Variants in NRG3 observed in about 807,000 individuals in gnomAD.
NRG3 encodes pro-neuregulin-3, membrane-bound isoform.
NRG3 carries 31 observed loss-of-function variants against 66.9 expected under a neutral mutation model. The observed-to-expected ratio is 0.46, with a 90% confidence interval of 0.35 to 0.63. NRG3 has a LOEUF of 0.63. Ranked by LOEUF, NRG3 falls within the 20% of genes least tolerant of loss-of-function variation. The pLI is 0.00. For missense variants in NRG3, 910 were observed against 878.9 expected, an observed-to-expected ratio of 1.04 and a Z score of -0.45; for synonymous variants, 393 against 359.4, an observed-to-expected ratio of 1.09 and a Z score of -1.06.
At chr10:82,060,335 C>A (rs2064075598) in intron 1 of NRG3, among the ~76,000 whole-genome samples, 1 of 152,128 alleles carries the variant, frequency 6.6e-6, no homozygotes, top group African/African-American at 2.4e-5. Context: ...TAGAGAATTA[C>A]AGAAAAAAGA....
At chr10:82,824,063 A>G (rs1197144185) in intron 3 of NRG3, among the ~76,000 whole-genome samples, 1 of 152,078 alleles carries the variant, frequency 6.6e-6, no homozygotes, top group East Asian at 1.9e-4. Context: ...CCTGGAAACC[A>G]CTAATCTACT....
chr10:82,520,398 G>C (rs561690688), intron 2 of NRG3, among the ~76,000 whole-genome samples: 1 of 151,974 alleles, frequency 6.6e-6, no homozygotes, highest in Admixed American at 6.6e-5. Flanking sequence ...GAAATAGAAG[G>C]TTCTAGCTGC....
intron 1 of NRG3, among the ~76,000 whole-genome samples, chr10:82,320,580 A>C (rs909691428): frequency 2.0e-5 from 3 of 152,124 alleles, no homozygotes; most frequent in African/African-American, 7.2e-5. Context: ...ATATTCAGAA[A>C]ATATTTTATT....
intron 4 of NRG3, among the ~76,000 whole-genome samples, chr10:82,898,544 C>T (rs779925686): frequency 6.6e-6 from 1 of 152,004 alleles, no homozygotes; most frequent in African/African-American, 2.4e-5. Context: ...TTTGGAATGA[C>T]CTTGGACATC....
At position 81,883,524 on chromosome 10, in the gene NRG3, T is replaced by G. The variant is rs1018135909; in HGVS notation, c.823+7361T>G. ...TGCTAAGATTTTGTCTTTGAGGCCT[T>G]TTCCTGGAAGTGATAGTGTGTATCA... On this transcript the variant is annotated intron_variant, in intron 1 of 8. Transcript: ENST00000372141. Among the ~76,000 whole-genome samples, 3 of 152,172 alleles carry G rather than the reference T, an allele frequency of 2.0e-5. No individual in the cohort carries two copies. The East Asian group carries it at 5.8e-4, about 29-fold the overall frequency.
chr10:82,929,569 G>T (rs1847347764), intron 4 of NRG3, among the ~76,000 whole-genome samples: 1 of 152,076 alleles, frequency 6.6e-6, no homozygotes, highest in Non-Finnish European at 1.5e-5. Flanking sequence ...GTTTCTACTT[G>T]TTCACTTGAT....
chr10:82,228,283 C>T (rs577366656), intron 1 of NRG3, among the ~76,000 whole-genome samples: 57 of 152,250 alleles, frequency 3.7e-4, no homozygotes, highest in African/African-American at 1.3e-3. Context: ...GAGTTGAATT[C>T]AAGTTCAAAT....
intron 1 of NRG3, among the ~76,000 whole-genome samples, chr10:82,077,790 G>A (rs977191985): frequency 2.0e-5 from 3 of 152,164 alleles, no homozygotes; most frequent in African/African-American, 7.2e-5. Context: ...TTTGTTTATT[G>A]AGACTATGTA....
At chr10:82,884,635 T>C (rs1842583644) in intron 4 of NRG3, among the ~76,000 whole-genome samples, 1 of 152,192 alleles carries the variant, frequency 6.6e-6, no homozygotes, top group Admixed American at 6.5e-5. Context: ...TTATCCCCTG[T>C]CCTTCTTTAA....
intron 1 of NRG3, among the ~76,000 whole-genome samples, chr10:82,084,184 C>T (rs11192437): frequency 0.048 from 7,279 of 151,948 alleles, 564 homozygotes; most frequent in African/African-American, 0.16. Flanking sequence ...GCCGAGATTG[C>T]GCCACTGCAC....
In NRG3 at chr10:82,596,265, A is replaced by C. The variant is rs538140672; in HGVS notation, c.954-142312A>C. On this transcript the variant is annotated intron_variant, in intron 2 of 8. Transcript: ENST00000372141. The stretch of plus-strand genomic sequence containing the variant: ...TGTTGTTCCACTTTGTGCTTAAAGC[A>C]TGAGAAGTTGGGCCAGAGTAGAATT... Among the ~76,000 whole-genome samples, 42 of 152,316 alleles carry C rather than the reference A, an allele frequency of 2.8e-4. 2 individuals are homozygous for C. The East Asian group carries it at 8.1e-3, about 29-fold the overall frequency.
At chr10:82,838,560 T>A (rs183474167) in intron 3 of NRG3, among the ~76,000 whole-genome samples, 3 of 152,204 alleles carry the variant, frequency 2.0e-5, no homozygotes, top group South Asian at 4.1e-4. Context: ...GAAAATTGAG[T>A]TGTGGTGTAA....
chr10:82,225,421 C>T (rs756194026), intron 1 of NRG3: 1 of 152,110 alleles, frequency 6.6e-6, no homozygotes, highest in Non-Finnish European at 1.5e-5. Context: ...ATATTATTGT[C>T]TTCTTTCTTC....
At chr10:82,597,869 C>T (rs2047379084) in intron 2 of NRG3, among the ~76,000 whole-genome samples, 1 of 150,640 alleles carries the variant, frequency 6.6e-6, no homozygotes. Flanking sequence ...TGCAGTGAGC[C>T]GAGATCGCGC....
chr10:82,118,807 G>A (rs892301495), intron 1 of NRG3, among the ~76,000 whole-genome samples: 2 of 152,210 alleles, frequency 1.3e-5, no homozygotes, highest in Non-Finnish European at 2.9e-5. Context: ...ACAGAGTACA[G>A]CTAGGTGAGT....
chr10:81,968,851 G>A (rs2059825693), intron 1 of NRG3, among the ~76,000 whole-genome samples: 1 of 152,192 alleles, frequency 6.6e-6, no homozygotes, highest in South Asian at 2.1e-4. Flanking sequence ...TGGTTCTGAG[G>A]CAGGTGCTTA....
At chr10:82,868,147 G>A (rs1254948659) in intron 4 of NRG3, among the ~76,000 whole-genome samples, 1 of 152,154 alleles carries the variant, frequency 6.6e-6, no homozygotes, top group African/African-American at 2.4e-5. Context: ...ATTTTAATCC[G>A]TGTTGAAAGA....
chr10:82,291,165 C>G (rs909809894), intron 1 of NRG3, among the ~76,000 whole-genome samples: 2 of 151,936 alleles, frequency 1.3e-5, no homozygotes, highest in African/African-American at 2.4e-5. Context: ...AACACACACA[C>G]ACACACACGC....
intron 1 of NRG3, among the ~76,000 whole-genome samples, chr10:82,003,740 T>C (rs576663579): frequency 1.3e-5 from 2 of 152,258 alleles, no homozygotes; most frequent in East Asian, 3.9e-4. Context: ...GGGAGTGATC[T>C]GAGTTGCTGA....
Sources: gnomAD v4.1 joint callset for allele counts (sites outside exome capture counted in the v4.1 genomes callset) on GRCh38, gnomAD v4.1.1 for gene constraint, MANE v1.5 for transcripts, NCBI Gene and HGNC (gene_info 2026-07-23, HGNC 2026-07-21) for gene names.